The following CRLF3 variants were observed in gnomAD, a reference collection of about 807,000 sequenced individuals.
CRLF3 encodes the protein cytokine receptor-like factor 3.
CRLF3 carries 33 observed loss-of-function variants against 55.0 expected under a neutral mutation model. The ratio of observed to expected loss-of-function variants is 0.60; its 90% CI spans 0.46 to 0.80. CRLF3 has a LOEUF of 0.80. Ranked by LOEUF, CRLF3 falls within the 30% of genes least tolerant of loss-of-function variation. CRLF3 has a pLI of 0.00. For missense variants in CRLF3, 494 were observed against 538.4 expected, an observed-to-expected ratio of 0.92 and a Z score of 0.82; for synonymous variants, 238 against 196.8, an observed-to-expected ratio of 1.21 and a Z score of -1.75.
chr17:30,808,638 G>C (rs967272704), intron 1 of CRLF3, among the ~76,000 whole-genome samples: 1 of 150,090 alleles, frequency 6.7e-6, no homozygotes, highest in African/African-American at 2.5e-5. Flanking sequence ...TGTCGCCCAG[G>C]CTGGAGTGCA....
rs1971637944 is a variant in CRLF3 at position 30,785,988 on chromosome 17, C to CA, written c.1002_1003insT (p.Val335CysfsTer10). On this transcript the variant is annotated frameshift_variant, in exon 7 of 8. Coordinates refer to ENST00000324238, the MANE Select transcript of CRLF3 (RefSeq NM_015986.4). LOFTEE classifies it high-confidence loss of function. The stretch of plus-strand genomic sequence containing the variant: ...TATCCATCCTGTTTTTCTGCACACA[C>CA]TCCTATGCTATCTCTTCTGTCTGGC... 2 of 1,613,260 alleles carry CA rather than the reference C, an allele frequency of 1.2e-6. No individual in the cohort carries two copies. Among genetic ancestry groups the CA allele is most frequent in the Non-Finnish European group, 1.7e-6 (2 of 1,179,296 alleles).
chr17:30,793,753 C>A (rs916080835), intron 4 of CRLF3, 81 bp from the exon 5 acceptor site: 1 of 884,178 alleles, frequency 1.1e-6, no homozygotes, highest in Non-Finnish European at 1.8e-6. Context: ...TTGAACGGAG[C>A]CATTTTGGAC....
At chr17:30,785,667 G>C (rs564042432) in intron 7 of CRLF3, among the ~76,000 whole-genome samples, 1 of 151,584 alleles carries the variant, frequency 6.6e-6, no homozygotes, top group African/African-American at 2.4e-5. Flanking sequence ...CTGTAGTCCC[G>C]GCTACTCAGG....
At chr17:30,824,436 T>C (rs1905081730) in intron 1 of CRLF3, 87 bp downstream of exon 1, 7 of 1,374,320 alleles carry the variant, frequency 5.1e-6, no homozygotes, top group Non-Finnish European at 6.8e-6. Context: ...TTTCGGACAG[T>C]CCCACCCCTC....
intron 6 of CRLF3, 153 bp downstream of exon 6, chr17:30,792,287 C>G: frequency 1.7e-6 from 1 of 596,134 alleles, no homozygotes; most frequent in South Asian, 2.7e-5. Flanking sequence ...GATGAGAAAA[C>G]TACAGCTACA....
chr17:30,818,564 T>C (rs1267410845), intron 1 of CRLF3, among the ~76,000 whole-genome samples: 6 of 149,966 alleles, frequency 4.0e-5, no homozygotes, highest in Non-Finnish European at 8.9e-5. Flanking sequence ...AGCAATTCTC[T>C]TGCCTCAGCC....
At chr17:30,784,690 CAA>C (rs1971594694) in intron 7 of CRLF3, 4 of 402,194 alleles carry the variant, frequency 9.9e-6, no homozygotes, top group South Asian at 4.5e-5. Context: ...TGTGAAATAG[CAA>C]GACTATTTCT....
chr17:30,799,216 C>T (rs756380925), intron 2 of CRLF3, among the ~76,000 whole-genome samples: 11 of 151,228 alleles, frequency 7.3e-5, no homozygotes, highest in Admixed American at 1.3e-4. Context: ...TAGGCTGCAG[C>T]AAGCTGAGAT....
Position 30,784,382 on chromosome 17 carries a change from G to A in CRLF3, c.1134C>T (p.Ser378=), listed in dbSNP as rs987945475. 5.6e-6 allele frequency: 9 copies of A among 1,613,364 alleles called. No individual in the cohort carries two copies. In the African/African-American group the frequency reaches 1.2e-4, roughly 22 times the overall value. ...TNQLPAVTSG[S]TVTFDIEAVT... ...CGGCTTCAATGTCAAACGTGACAGT[G>A]GACCCAGAAGTAACTGCGGGTAACT... The change falls in exon 8 of 8, where the codon TCC becomes TCT. Residue 378 remains serine, a synonymous_variant. Coordinates refer to ENST00000324238, the MANE Select transcript of CRLF3 (RefSeq NM_015986.4).
chr17:30,806,490 A>AT (rs1480161047), intron 1 of CRLF3, among the ~76,000 whole-genome samples: 4 of 152,108 alleles, frequency 2.6e-5, no homozygotes, highest in Non-Finnish European at 5.9e-5. Context: ...TGGAGTTCTC[A>AT]TTTTTTCCAA....
At chr17:30,799,535 T>G (rs559782441) in intron 2 of CRLF3, among the ~76,000 whole-genome samples, 1 of 147,996 alleles carries the variant, frequency 6.8e-6, no homozygotes, top group Non-Finnish European at 1.5e-5. Context: ...GGATTTATCT[T>G]TTTTTTTTTT....
chr17:30,783,788 C>T lies in CRLF3; in HGVS notation c.*399G>A, dbSNP rs931634303. On this transcript the variant is annotated 3_prime_UTR_variant, in exon 8 of 8. Transcript: ENST00000324238. ...CATTACACAGCTTCTTCTATCTGAC[C>T]TATTCCTCTTGTTCTAAAGAGTTAC... 1 of 168,076 alleles carries T rather than the reference C, an allele frequency of 5.9e-6. No homozygotes were observed. Among genetic ancestry groups the T allele is most frequent in the Non-Finnish European group, 1.3e-5 (1 of 77,708 alleles). The allele number at this position is 168,076 out of a possible 1,614,324, so 10.4% of individuals were successfully genotyped here.
In CRLF3 at chr17:30,809,320, ACCATGGGATCATTTTCTTTT is replaced by A. The variant is rs1249073853; in HGVS notation, c.130-5232_130-5213del. On this transcript the variant is annotated intron_variant, in intron 1 of 7. Transcript: ENST00000324238. ...CCACTGCCATTTGAAACTTGATACC[ACCATGGGATCATTTTCTTTT>A]CCTTGAAATATTTCATGATTTAAAG... 2.6e-5 allele frequency among the ~76,000 whole-genome samples: 4 copies of A among 152,266 alleles called. No homozygotes were observed. In the East Asian group the frequency reaches 7.7e-4, roughly 29 times the overall value.
chr17:30,818,982 ATT>A (rs895685308), intron 1 of CRLF3, among the ~76,000 whole-genome samples: 3 of 151,028 alleles, frequency 2.0e-5, no homozygotes, highest in Admixed American at 2.0e-4. Flanking sequence ...CACCTGGCTA[ATT>A]TTTTTTACAT....
At chr17:30,817,167 G>T (rs1904833038) in intron 1 of CRLF3, among the ~76,000 whole-genome samples, 1 of 152,204 alleles carries the variant, frequency 6.6e-6, no homozygotes, top group African/African-American at 2.4e-5. Context: ...GACAGGCACA[G>T]TGGCTCACGC....
chr17:30,803,666 T>G, intron 2 of CRLF3: 2 of 498,986 alleles, frequency 4.0e-6, no homozygotes, highest in South Asian at 2.2e-5. Flanking sequence ...TCTCATGAGA[T>G]CTAATGGTAT....
chr17:30,794,142 T>C (rs1035942625), intron 4 of CRLF3, among the ~76,000 whole-genome samples: 3 of 152,148 alleles, frequency 2.0e-5, no homozygotes, highest in Non-Finnish European at 4.4e-5. Flanking sequence ...GCTCCCTTCT[T>C]TTCTTTATTG....
chr17:30,790,451 GAAAC>G (rs1356225242), intron 6 of CRLF3, among the ~76,000 whole-genome samples: 14 of 152,052 alleles, frequency 9.2e-5, no homozygotes, highest in African/African-American at 2.7e-4. Flanking sequence ...AATGGGTAGA[GAAAC>G]AACATTAATT....
chr17:30,812,890 GGA>G (rs1485878486), intron 1 of CRLF3, among the ~76,000 whole-genome samples: 2 of 152,146 alleles, frequency 1.3e-5, no homozygotes, highest in Non-Finnish European at 2.9e-5. Context: ...AGGAAGACAG[GGA>G]GAGAGACTGG....
Sources: allele counts gnomAD v4.1 joint callset (sites outside exome capture counted in the v4.1 genomes callset), GRCh38; gene constraint gnomAD v4.1.1; transcripts MANE v1.5; gene names NCBI Gene and HGNC (gene_info 2026-07-23, HGNC 2026-07-21).